The following SLC6A7 variants were observed in gnomAD, a reference collection of about 807,000 sequenced individuals.
The protein encoded by SLC6A7 is sodium-dependent proline transporter.
In SLC6A7, 58 loss-of-function variants were observed where a neutral mutation model predicts 73.1. That is an observed-to-expected ratio of 0.79 (90% CI 0.64 to 0.99). The LOEUF is 0.99. Among genes scored for constraint, SLC6A7 ranks in the 50% least tolerant of loss-of-function variants. The probability of loss-of-function intolerance (pLI) is 0.00; values close to 1 mark genes in which losing one functional copy is unlikely to be tolerated. For missense variants in SLC6A7, 783 were observed against 831.4 expected (o/e 0.94, Z 0.72); for synonymous variants, 338 against 338.7 (o/e 1.00, Z 0.02).
At position 150,190,356 on chromosome 5, in the gene SLC6A7, G is replaced by A; in HGVS notation, c.29G>A (p.Arg10His). 1 of 1,498,812 alleles carries A rather than the reference G, an allele frequency of 6.7e-7. No individual in the cohort carries two copies. The highest frequency in any genetic ancestry group is 8.9e-7 in the Non-Finnish European group (1 of 1,125,952). 92.8% of individuals were successfully genotyped at this position (1,498,812 alleles called of 1,614,324 possible). Residue 10 changes from arginine (R) to histidine (H), a missense_variant, in exon 1 of 14, where the codon CGC (arginine) becomes CAC (histidine). Transcript: ENST00000230671. Reference protein sequence around the residue: MKKLQGAHLRKPVTPDLLMT... With the variant: MKKLQGAHLHKPVTPDLLMT... ...AAGAAGCTCCAGGGAGCTCACCTCCGCAAGGTAGGGCACGAGGGCGGGGGC... is the reference window on the plus strand; with the variant it reads ...AAGAAGCTCCAGGGAGCTCACCTCCACAAGGTAGGGCACGAGGGCGGGGGC...
At chr5:150,198,109 AAGAAAGAGAAAGAAAG>A (rs1562085539) in intron 4 of SLC6A7, among the ~76,000 whole-genome samples, 9 of 105,446 alleles carry the variant, frequency 8.5e-5, no homozygotes, top group African/African-American at 3.3e-4. Flanking sequence ...GAAAGAAAGA[AAGAAAGAGAAAGAAAG>A]AAAGAAAGAA....
Position 150,210,574 on chromosome 5 carries a change from C to A in SLC6A7, c.*959C>A, listed in dbSNP as rs1192026882. On this transcript the variant is annotated 3_prime_UTR_variant, in exon 14 of 14. Coordinates refer to ENST00000230671, the MANE Select transcript of SLC6A7 (RefSeq NM_014228.5). ...GCCCCAGCACTTCAGACAAAGACCA[C>A]CCCTTCACCCACTGGACCCCAAGCC... 6.6e-6 allele frequency: 1 copy of A among 152,406 alleles called. No homozygotes were observed. The highest frequency in any genetic ancestry group is 2.4e-5 in the African/African-American group (1 of 41,438). The allele number at this position is 152,406 out of a possible 1,614,324, so 9.4% of individuals were successfully genotyped here.
At chr5:150,206,545 C>T (rs1366193276) in intron 13 of SLC6A7, among the ~76,000 whole-genome samples, 5 of 152,214 alleles carry the variant, frequency 3.3e-5, no homozygotes, top group Admixed American at 6.5e-5. Flanking sequence ...CCACTTCCCC[C>T]GTGTAGCTCC....
Position 150,198,114 on chromosome 5 carries a change from AGAG to A in SLC6A7, c.584+839_584+841del, listed in dbSNP as rs1482416795. ...AAGAAAGAAAGAAAGAAAGAAAGAA[AGAG>A]AAAGAAAGAAAGAAAGAAAGAAAGC... On this transcript the variant is annotated intron_variant, in intron 4 of 13. Coordinates refer to ENST00000230671, the MANE Select transcript of SLC6A7 (RefSeq NM_014228.5). Among the ~76,000 whole-genome samples, 82 of 35,870 alleles carry A rather than the reference AGAG, an allele frequency of 2.3e-3. 1 individual carries two copies. The highest frequency in any genetic ancestry group is 6.2e-3 in the African/African-American group (78 of 12,626). The allele number at this position is 35,870 out of a possible 152,430, so 23.5% of individuals were successfully genotyped here.
At chr5:150,194,198 G>A (rs1179223203) in intron 1 of SLC6A7, among the ~76,000 whole-genome samples, 4 of 152,148 alleles carry the variant, frequency 2.6e-5, no homozygotes, top group African/African-American at 9.7e-5. Flanking sequence ...GGGAGGCCGA[G>A]GCGGGTGGAT....
At chr5:150,194,658 T>G (rs1397968231) in intron 1 of SLC6A7, 70 bp from the exon 2 acceptor site, 1 of 1,141,210 alleles carries the variant, frequency 8.8e-7, no homozygotes, top group African/African-American at 1.5e-5. Flanking sequence ...TCCAGAGTCT[T>G]GTCTTGAGGT....
chr5:150,198,818 G>GTGTGTGTT (rs767600002), intron 4 of SLC6A7, among the ~76,000 whole-genome samples: 3,506 of 102,206 alleles, frequency 0.034, 127 homozygotes, highest in African/African-American at 0.097. Flanking sequence ...GATGGTGTGT[G>GTGTGTGTT]TGTGTGTGTG....
intron 13 of SLC6A7, among the ~76,000 whole-genome samples, chr5:150,207,380 C>G (rs532579668): frequency 2.2e-3 from 330 of 152,292 alleles, no homozygotes; most frequent in African/African-American, 7.6e-3. Flanking sequence ...CTCAGCCTCC[C>G]AAGTAGCTGG....
intron 5 of SLC6A7, 82 bp from the exon 6 acceptor site, chr5:150,201,007 C>G: frequency 6.7e-7 from 1 of 1,484,010 alleles, no homozygotes. Flanking sequence ...GCTGGGGAGG[C>G]AAGTGACACA....
intron 9 of SLC6A7, 43 bp downstream of exon 9, chr5:150,203,822 T>TGC (rs780309671): frequency 9.3e-6 from 5 of 535,236 alleles, no homozygotes; most frequent in Non-Finnish European, 1.4e-5. Context: ...GTGTGTGTGG[T>TGC]GTGTGTGTGT....
At position 150,195,010 on chromosome 5, in the gene SLC6A7, C is replaced by T. The variant is rs139133628; in HGVS notation, c.217+99C>T. Reference sequence around the variant, plus strand: ...GTGGCCTCAGCCACTGTCTCCTAGGCGACCTTGGGCAGAACTCATTGAAAG... The same window carrying T: ...GTGGCCTCAGCCACTGTCTCCTAGGTGACCTTGGGCAGAACTCATTGAAAG... On this transcript the variant is annotated intron_variant, in intron 2 of 13. Coordinates refer to ENST00000230671, the MANE Select transcript of SLC6A7 (RefSeq NM_014228.5). 4.3e-4 allele frequency: 441 copies of T among 1,015,164 alleles called. No individual in the cohort carries two copies. In the East Asian group the frequency reaches 5.7e-3, roughly 13 times the overall value. 62.9% of individuals were successfully genotyped at this position (1,015,164 alleles called of 1,614,324 possible). A position where few individuals can be genotyped will look rare whatever the true frequency, so the allele number is the denominator to read the frequency against.
intron 10 of SLC6A7, 92 bp downstream of exon 10, chr5:150,204,130 C>A: frequency 7.7e-7 from 1 of 1,295,154 alleles, no homozygotes; most frequent in East Asian, 2.5e-5. Context: ...GTTGCTGGGC[C>A]CCCTCCATCT....
rs749539994 is a variant in SLC6A7 at position 150,201,251 on chromosome 5, G to GGTGCA, written c.858+29_858+30insTGCAG. 39 of 1,580,224 alleles carry GGTGCA rather than the reference G, an allele frequency of 2.5e-5. 1 individual carries two copies. The East Asian group carries it at 8.9e-4, about 36-fold the overall frequency. On this transcript the variant is annotated intron_variant, in intron 6 of 13. Transcript: ENST00000230671. Reference sequence around the variant, plus strand: ...GAGCCCCTCAGGGCGGGGTGCAGAGGGAGGGGCCAGGCCTGAGCTGGAGAG... The same window carrying GGTGCA: ...GAGCCCCTCAGGGCGGGGTGCAGAGGGTGCAGAGGGGCCAGGCCTGAGCTGGAGAG...
intron 4 of SLC6A7, among the ~76,000 whole-genome samples, chr5:150,198,115 G>GAAAGAAAGAAAGGAGAA (rs1224170798): frequency 1.3e-5 from 1 of 77,534 alleles, no homozygotes; most frequent in Admixed American, 1.2e-4. Context: ...AAGAAAGAAA[G>GAAAGAAAGAAAGGAGAA]AGAAAGAAAG....
rs1195845592 is a variant in SLC6A7, at chr5:150,190,306, C to T, written c.-22C>T. The T allele has an allele frequency of 7.3e-6, 11 of 1,509,274 alleles. No individual in the cohort carries two copies. The highest frequency in any genetic ancestry group is 9.7e-6 in the Non-Finnish European group (11 of 1,129,720). 93.5% of individuals were successfully genotyped at this position (1,509,274 alleles called of 1,614,324 possible). A position where few individuals can be genotyped will look rare whatever the true frequency, so the allele number is the denominator to read the frequency against. On this transcript the variant is annotated 5_prime_UTR_variant, in exon 1 of 14. Transcript: ENST00000230671. ...CTCTCTGCGCTCCGGGGCAGCTGAG[C>T]CCCGGCCACCCGCTCTCCAAGATGA...
Position 150,196,858 on chromosome 5 carries a change from A to G in SLC6A7, c.349+11A>G. 6.2e-7 allele frequency: 1 copy of G among 1,612,662 alleles called. No individual in the cohort carries two copies. The highest frequency in any genetic ancestry group is 1.1e-5 in the South Asian group (1 of 90,876). The stretch of plus-strand genomic sequence containing the variant: ...GCCCTCTCTTCAAAGGTGAGGCCTC[A>G]GTGGTCCCCAGGGAGGGAAGGGCTC... On this transcript the variant is annotated intron_variant, in intron 3 of 13. Coordinates refer to ENST00000230671, the MANE Select transcript of SLC6A7 (RefSeq NM_014228.5).
At position 150,204,032 on chromosome 5, in the gene SLC6A7, C is replaced by G. The variant is rs1054233264; in HGVS notation, c.1326C>G (p.Thr442=). Residue 442 remains threonine (T), a synonymous_variant, in exon 10 of 14, where the codon ACC becomes ACG. Coordinates refer to ENST00000230671, the MANE Select transcript of SLC6A7 (RefSeq NM_014228.5). ...TGTACCTGATGGGGCTGATCCTCAC[C>G]ACTGATGTGAGTGGCGCTACAGGGA... is the stretch of plus-strand genomic sequence containing the variant. ...VAMYLMGLIL[T]TDGGMYWLVL... 6 of 1,612,808 alleles carry G rather than the reference C, an allele frequency of 3.7e-6. No homozygotes were observed. The Admixed American group carries it at 6.7e-5, about 18-fold the overall frequency.
At chr5:150,208,437 T>C (rs1753804648) in intron 13 of SLC6A7, among the ~76,000 whole-genome samples, 1 of 151,998 alleles carries the variant, frequency 6.6e-6, no homozygotes, top group South Asian at 2.1e-4. Context: ...TGGAGAGAAC[T>C]GGTGGAGCTG....
chr5:150,208,324 A>G (rs1753799282), intron 13 of SLC6A7, among the ~76,000 whole-genome samples: 1 of 152,136 alleles, frequency 6.6e-6, no homozygotes, highest in Non-Finnish European at 1.5e-5. Flanking sequence ...CTAGGGTAAG[A>G]GCATTCCAGG....
Sources: allele counts gnomAD v4.1 joint callset (sites outside exome capture counted in the v4.1 genomes callset), GRCh38; gene constraint gnomAD v4.1.1; transcripts MANE v1.5; gene names NCBI Gene and HGNC (gene_info 2026-07-23, HGNC 2026-07-21).